USP34: variants seen among roughly 807,000 people sequenced by gnomAD.
USP34 encodes the protein ubiquitin carboxyl-terminal hydrolase 34.
In USP34, 70 loss-of-function variants were observed where a neutral mutation model predicts 460.3. The observed-to-expected ratio is 0.15, with a 90% CI of 0.13 to 0.19. USP34 has a LOEUF of 0.19. Among genes scored for constraint, USP34 ranks in the 10% least tolerant of loss-of-function variants. The pLI, the probability that USP34 is intolerant of heterozygous loss-of-function variation, is 1.00. For missense variants in USP34, 3,985 were observed against 4,236.2 expected, an observed-to-expected ratio of 0.94 and a Z score of 1.65; for synonymous variants, 1,647 against 1,405.3, an observed-to-expected ratio of 1.17 and a Z score of -3.85.
intron 3 of USP34, among the ~76,000 whole-genome samples, chr2:61,399,788 G>A (rs1224156033): frequency 6.8e-6 from 1 of 147,990 alleles, no homozygotes; most frequent in African/African-American, 2.5e-5. Flanking sequence ...CCGGTGAATC[G>A]CTTGAACCTG....
chr2:61,380,324 T>A lies in USP34; in HGVS notation c.859A>T (p.Ser287Cys). 6.2e-7 allele frequency: 1 copy of A among 1,613,778 alleles called. No homozygotes were observed. Among genetic ancestry groups the A allele is most frequent in the Non-Finnish European group, 8.5e-7 (1 of 1,179,754 alleles). ...CKLSDQELRQ[S>C]AARNMADLMW... ...AAGTCAGCCATGTTACGAGCTGCACTCTGTCGTAACTCCTGATCCGAGAGC... is the reference window on the plus strand; with the variant it reads ...AAGTCAGCCATGTTACGAGCTGCACACTGTCGTAACTCCTGATCCGAGAGC... Residue 287 changes from serine (S) to cysteine (C), a missense_variant, in exon 7 of 80, where the codon AGT becomes TGT. Ser to Cys is a moderately radical substitution (Grantham distance 112, BLOSUM62 -1). Transcript: ENST00000398571.
chr2:61,383,207 A>G, intron 6 of USP34, 62 bp downstream of exon 6: 2 of 1,205,224 alleles, frequency 1.7e-6, no homozygotes, highest in East Asian at 5.2e-5. Flanking sequence ...ATAATTCTAT[A>G]TTATAAATTG....
intron 41 of USP34, among the ~76,000 whole-genome samples, chr2:61,274,790 T>TGGTTTTCGTTTTTAAC (rs1689323043): frequency 6.6e-6 from 1 of 152,224 alleles, no homozygotes; most frequent in African/African-American, 2.4e-5. Flanking sequence ...ACAGTTAACT[T>TGGTTTTCGTTTTTAAC]GGTTTTCGTT....
rs1383423191 is a variant in USP34, at chr2:61,206,027, A to G, written c.9144T>C (p.Asn3048=). The G allele has an allele frequency of 1.9e-6, 3 of 1,612,722 alleles. No individual in the cohort carries two copies. The highest frequency in any genetic ancestry group is 2.5e-6 in the Non-Finnish European group (3 of 1,179,138). The part of the protein sequence containing the change: ...LNSYSPPELR[N]ACIDVLKELV... ...TTTCAAGTAACTTACCTATACAGGC[A>G]TTTCTAAGTTCTGGAGGACTATAGG... Residue 3048 remains asparagine, a synonymous_variant, in exon 72 of 80, where the codon AAT becomes AAC. Coordinates refer to ENST00000398571, the MANE Select transcript of USP34 (RefSeq NM_014709.4).
chr2:61,437,201 T>A (rs951632580), intron 1 of USP34, among the ~76,000 whole-genome samples: 2 of 151,396 alleles, frequency 1.3e-5, no homozygotes, highest in African/African-American at 4.9e-5. Context: ...TAAACAAAAT[T>A]GAGACTAAAA....
At chr2:61,444,620 G>A (rs1320514779) in intron 1 of USP34, among the ~76,000 whole-genome samples, 1 of 152,078 alleles carries the variant, frequency 6.6e-6, no homozygotes, top group Non-Finnish European at 1.5e-5. Flanking sequence ...GTTAACTACT[G>A]AAGACAAAAA....
intron 67 of USP34, among the ~76,000 whole-genome samples, chr2:61,216,682 G>A (rs1012738217): frequency 6.6e-6 from 1 of 151,912 alleles, no homozygotes; most frequent in Non-Finnish European, 1.5e-5. Flanking sequence ...ACTTTGAGAG[G>A]CCAAGGCGGG....
intron 8 of USP34, among the ~76,000 whole-genome samples, chr2:61,371,816 T>C (rs185170259): frequency 1.1e-4 from 17 of 152,260 alleles, no homozygotes; most frequent in South Asian, 2.1e-4. Context: ...TATTTTATCT[T>C]TTTTGCAGGT....
intron 67 of USP34, chr2:61,220,095 A>T (rs1687515354): frequency 2.4e-6 from 1 of 423,058 alleles, no homozygotes; most frequent in Non-Finnish European, 4.1e-6. Context: ...TCAAGCAAGG[A>T]AACAAAAATG....
chr2:61,374,384 TTTG>T (rs1183699717), intron 8 of USP34, among the ~76,000 whole-genome samples: 2 of 152,210 alleles, frequency 1.3e-5, no homozygotes, highest in Non-Finnish European at 2.9e-5. Context: ...GGTTTCTATA[TTTG>T]TTAACTCATC....
chr2:61,355,082 G>A (rs1243591134), intron 10 of USP34, among the ~76,000 whole-genome samples: 3 of 152,208 alleles, frequency 2.0e-5, no homozygotes, highest in Non-Finnish European at 4.4e-5. Flanking sequence ...TGTTCTCAGT[G>A]ACCAGCATGA....
At chr2:61,263,662 T>G (rs1243556710) in intron 43 of USP34, among the ~76,000 whole-genome samples, 1 of 151,852 alleles carries the variant, frequency 6.6e-6, no homozygotes, top group Non-Finnish European at 1.5e-5. Context: ...TTTTGTATTT[T>G]TAGTAGAGAT....
At chr2:61,305,794 G>A (rs559850592) in intron 27 of USP34, among the ~76,000 whole-genome samples, 11 of 151,078 alleles carry the variant, frequency 7.3e-5, no homozygotes, top group East Asian at 3.9e-4. Flanking sequence ...TTTCCCCGTC[G>A]TTGGCTGTAA....
intron 2 of USP34, among the ~76,000 whole-genome samples, chr2:61,413,041 A>G (rs1444812718): frequency 6.6e-6 from 1 of 152,162 alleles, no homozygotes; most frequent in African/African-American, 2.4e-5. Flanking sequence ...ACCAAAACAG[A>G]CAAAATTTCT....
chr2:61,200,039 T>A (rs1686924781), intron 75 of USP34: 1 of 152,364 alleles, frequency 6.6e-6, no homozygotes, highest in Non-Finnish European at 1.5e-5. Flanking sequence ...AGAGCTTTTT[T>A]AGGCTAAACC....
intron 7 of USP34, among the ~76,000 whole-genome samples, chr2:61,379,864 T>TAAAG: frequency 6.6e-6 from 1 of 152,382 alleles, no homozygotes; most frequent in East Asian, 1.9e-4. Context: ...CCTCCAATTA[T>TAAAG]TCCTCTTTCT....
chr2:61,339,741 A>G (rs1267959421), intron 16 of USP34, 60 bp from the exon 17 acceptor site: 2 of 872,274 alleles, frequency 2.3e-6, no homozygotes, highest in Non-Finnish European at 3.2e-6. Flanking sequence ...TGATTATAGC[A>G]TTCATATGGT....
chr2:61,206,804 A>C lies in USP34; in HGVS notation c.9002T>G (p.Phe3001Cys). Reference protein sequence around the residue: ...TGDLVELLSIFLSVLKSTRPY... With the variant: ...TGDLVELLSICLSVLKSTRPY... ...GCGTGTAGACTTCAAAACCGAAAGAAATATTGACAGAAGTTCTACTAAATC... is the reference window on the plus strand; with the variant it reads ...GCGTGTAGACTTCAAAACCGAAAGACATATTGACAGAAGTTCTACTAAATC... Residue 3001 changes from phenylalanine (F) to cysteine (C), a missense_variant, in exon 71 of 80, where the codon TTT (phenylalanine) becomes TGT (cysteine). By Grantham distance (205) the Phe-to-Cys change is radical. Around this residue, in one of 14 missense-constraint regions of USP34, gnomAD observed 275 missense variants for 292.7 expected, o/e 0.94. Transcript: ENST00000398571. 1 of 1,613,814 alleles carries C rather than the reference A, an allele frequency of 6.2e-7. No individual in the cohort carries two copies. Among genetic ancestry groups the C allele is most frequent in the Non-Finnish European group, 8.5e-7 (1 of 1,179,810 alleles).
At chr2:61,391,125 C>A (rs1032454023) in intron 5 of USP34, among the ~76,000 whole-genome samples, 1 of 151,750 alleles carries the variant, frequency 6.6e-6, no homozygotes, top group Non-Finnish European at 1.5e-5. Flanking sequence ...CACTCACCAT[C>A]TGACAAAGTT....
Sources: allele counts gnomAD v4.1 joint callset (sites outside exome capture counted in the v4.1 genomes callset), GRCh38; gene constraint gnomAD v4.1.1; regional missense constraint gnomAD v4.1.1; transcripts MANE v1.5; gene names NCBI Gene and HGNC (gene_info 2026-07-23, HGNC 2026-07-21).